Variants in CSMD1 observed in about 807,000 individuals in gnomAD.
CSMD1 encodes CUB and sushi domain-containing protein 1.
Under a neutral mutation model 417.5 loss-of-function variants are expected in CSMD1, and 213 were observed. That is an observed-to-expected ratio of 0.51 (90% CI 0.46 to 0.57). The LOEUF is 0.57. CSMD1 is among the 20% of genes least tolerant of loss of function. The pLI, the probability that CSMD1 is intolerant of heterozygous loss-of-function variation, is 0.00. For synonymous variants in CSMD1, 2,862 were observed against 1,736.8 expected (o/e 1.65, Z -16.11); for missense variants, 6,923 against 4,529.7 (o/e 1.53, Z -15.17).
intron 10 of CSMD1, among the ~76,000 whole-genome samples, chr8:3,529,499 G>C (rs911016595): frequency 6.6e-6 from 1 of 152,134 alleles, no homozygotes; most frequent in African/African-American, 2.4e-5. Flanking sequence ...TGTGACTCTG[G>C]CTCTAATCAT....
At chr8:4,972,401 T>G (rs1466174443) in intron 1 of CSMD1, among the ~76,000 whole-genome samples, 1 of 152,148 alleles carries the variant, frequency 6.6e-6, no homozygotes, top group Non-Finnish European at 1.5e-5. Context: ...GTTCTCATGA[T>G]AGCAAGTGAA....
chr8:4,821,887 C>A lies in CSMD1; in HGVS notation c.85+172445G>T, dbSNP rs148813707. On this transcript the variant is annotated intron_variant, in intron 1 of 69. Coordinates refer to ENST00000635120, the MANE Select transcript of CSMD1 (RefSeq NM_033225.6). ...TCCACACGCTTCTGCTCTAGCCCAG[C>A]TGTAAAATGTGTGTAATCACATTTG... Among the ~76,000 whole-genome samples the A allele has an allele frequency of 6.8e-3, 1,034 of 152,234 alleles. 15 individuals are homozygous for A. The highest frequency in any genetic ancestry group is 0.023 in the African/African-American group (959 of 41,554).
At chr8:3,081,149 G>A (rs1036223020) in intron 49 of CSMD1, among the ~76,000 whole-genome samples, 1 of 152,192 alleles carries the variant, frequency 6.6e-6, no homozygotes, top group Non-Finnish European at 1.5e-5. Context: ...GGTAGCTGGA[G>A]GGCCTAAAAG....
intron 3 of CSMD1, among the ~76,000 whole-genome samples, chr8:4,215,144 G>A (rs533459989): frequency 1.3e-5 from 2 of 152,168 alleles, no homozygotes; most frequent in African/African-American, 4.8e-5. Flanking sequence ...CCTAGGGAGA[G>A]GGGACGCATC....
At position 3,328,283 on chromosome 8, in the gene CSMD1, TC is replaced by T. The variant is rs1356003744; in HGVS notation, c.3631+15010del. Among the ~76,000 whole-genome samples the T allele has an allele frequency of 2.0e-5, 3 of 152,214 alleles. No individual in the cohort carries two copies. In the East Asian group the frequency reaches 5.8e-4, roughly 29 times the overall value. On this transcript the variant is annotated intron_variant, in intron 23 of 69. Transcript: ENST00000635120. ...TAGGTTCTGCTTCATAAATGCTTTT[TC>T]CACATTGGCGCTTCTCACTGGAGCT...
chr8:3,270,424 A>T (rs994449114), intron 26 of CSMD1, among the ~76,000 whole-genome samples: 6 of 152,186 alleles, frequency 3.9e-5, no homozygotes, highest in Non-Finnish European at 5.9e-5. Flanking sequence ...AAAAATGATC[A>T]GTTTTAATGA....
intron 3 of CSMD1, among the ~76,000 whole-genome samples, chr8:4,365,301 A>G (rs1801999557): frequency 6.6e-6 from 1 of 152,226 alleles, no homozygotes; most frequent in Non-Finnish European, 1.5e-5. Context: ...ATTTAGGATT[A>G]CACCTGATTC....
intron 1 of CSMD1, among the ~76,000 whole-genome samples, chr8:4,928,423 A>G (rs1047483680): frequency 2.6e-5 from 4 of 152,194 alleles, no homozygotes; most frequent in African/African-American, 9.6e-5. Context: ...TCTCTGATAC[A>G]TCGATAACTA....
At chr8:2,958,299 T>G (rs1382771810) in intron 62 of CSMD1, among the ~76,000 whole-genome samples, 1 of 152,222 alleles carries the variant, frequency 6.6e-6, no homozygotes, top group African/African-American at 2.4e-5. Flanking sequence ...CTGAGGCGTC[T>G]TCCTCACCAG....
chr8:4,708,382 T>C (rs1159443992), intron 1 of CSMD1, among the ~76,000 whole-genome samples: 1 of 152,208 alleles, frequency 6.6e-6, no homozygotes, highest in African/African-American at 2.4e-5. Context: ...ATTATTCTGT[T>C]CAGTGCCTAA....
chr8:4,207,272 C>G (rs1305609934), intron 3 of CSMD1, among the ~76,000 whole-genome samples: 4 of 152,112 alleles, frequency 2.6e-5, no homozygotes, highest in Non-Finnish European at 5.9e-5. Context: ...CAGAATGAAA[C>G]TGTACAATTA....
intron 1 of CSMD1, among the ~76,000 whole-genome samples, chr8:4,648,519 C>G (rs547718750): frequency 6.6e-6 from 1 of 152,054 alleles, no homozygotes; most frequent in Admixed American, 6.6e-5. Context: ...CTGCTTTCTC[C>G]CTCTCTTAGG....
intron 37 of CSMD1, among the ~76,000 whole-genome samples, chr8:3,171,516 A>G (rs571343410): frequency 1.3e-5 from 2 of 152,320 alleles, no homozygotes; most frequent in South Asian, 2.1e-4. Context: ...GCTAAGTCAC[A>G]GAGCCACTAG....
At chr8:3,640,209 G>A (rs1797241042) in intron 7 of CSMD1, among the ~76,000 whole-genome samples, 1 of 152,150 alleles carries the variant, frequency 6.6e-6, no homozygotes, top group African/African-American at 2.4e-5. Context: ...ATGTGGGGAG[G>A]CATCAATGTG....
intron 5 of CSMD1, among the ~76,000 whole-genome samples, chr8:3,803,255 T>G (rs187326582): frequency 5.9e-5 from 9 of 152,256 alleles, no homozygotes; most frequent in Admixed American, 5.9e-4. Flanking sequence ...TGGCATAAAG[T>G]CAGGAACACG....
chr8:4,750,872 G>A lies in CSMD1; in HGVS notation c.86-113314C>T, dbSNP rs560263496. On this transcript the variant is annotated intron_variant, in intron 1 of 69. Coordinates refer to ENST00000635120, the MANE Select transcript of CSMD1 (RefSeq NM_033225.6). ...GATATTGGGATTTAGTGAAGGGACT[G>A]TGAACACCCAGAGAAGCAGTACTAG... Among the ~76,000 whole-genome samples, 272 of 152,310 alleles carry A rather than the reference G, an allele frequency of 1.8e-3. 1 individual carries two copies. The highest frequency in any genetic ancestry group is 6.2e-3 in the African/African-American group (257 of 41,576).
intron 3 of CSMD1, among the ~76,000 whole-genome samples, chr8:4,336,605 G>A (rs1418048347): frequency 6.6e-6 from 1 of 152,138 alleles, no homozygotes; most frequent in Non-Finnish European, 1.5e-5. Flanking sequence ...CACACACAAA[G>A]TGCATTTGTT....
intron 47 of CSMD1, among the ~76,000 whole-genome samples, chr8:3,092,445 C>A (rs369700039): frequency 6.6e-6 from 1 of 152,136 alleles, no homozygotes; most frequent in Admixed American, 6.5e-5. Flanking sequence ...AACCATGACC[C>A]ATGCAACTCC....
chr8:3,513,127 AT>A lies in CSMD1; in HGVS notation c.1345-19402del, dbSNP rs528568087. On this transcript the variant is annotated intron_variant, in intron 10 of 69. Transcript: ENST00000635120. ...GTGAATGCATTGAATTATTATTATT[AT>A]TTTTTTTTATATGCCTTTATGGATT... 1.6e-3 allele frequency among the ~76,000 whole-genome samples: 249 copies of A among 150,976 alleles called. 1 individual carries two copies. The highest frequency in any genetic ancestry group is 3.5e-3 in the Middle Eastern group (1 of 288).
Sources: allele counts gnomAD v4.1 joint callset (sites outside exome capture counted in the v4.1 genomes callset), GRCh38; gene constraint gnomAD v4.1.1; transcripts MANE v1.5; gene names NCBI Gene and HGNC (gene_info 2026-07-23, HGNC 2026-07-21).